SLC14A2: variants seen among roughly 807,000 people sequenced by gnomAD.
SLC14A2 encodes the protein solute carrier family 14 member 2.
SLC14A2 carries 91 observed loss-of-function variants against 104.6 expected under a neutral mutation model. The observed-to-expected ratio is 0.87, with a 90% CI of 0.73 to 1.04. SLC14A2 has a LOEUF of 1.04. Ranked by LOEUF, SLC14A2 falls within the 50% of genes least tolerant of loss-of-function variation. The pLI is 0.00. For missense variants in SLC14A2, 1,189 were observed against 1,156.0 expected, an observed-to-expected ratio of 1.03 and a Z score of -0.41; for synonymous variants, 476 against 466.4, an observed-to-expected ratio of 1.02 and a Z score of -0.27.
chr18:45,531,464 T>A (rs2043685949), intron 2 of SLC14A2, among the ~76,000 whole-genome samples: 1 of 152,260 alleles, frequency 6.6e-6, no homozygotes, highest in Admixed American at 6.5e-5. Flanking sequence ...TGATGAACAT[T>A]TTTTCATGTG....
At chr18:45,422,938 T>G (rs1165907960) in intron 1 of SLC14A2, among the ~76,000 whole-genome samples, 3 of 152,282 alleles carry the variant, frequency 2.0e-5, no homozygotes, top group African/African-American at 4.8e-5. Flanking sequence ...AATTTCTGCT[T>G]CTTTTTGCTG....
In SLC14A2 at chr18:45,672,896, A is replaced by C; in HGVS notation, c.2230-4A>C. 1 of 1,612,444 alleles carries C rather than the reference A, an allele frequency of 6.2e-7. No homozygotes were observed. The highest frequency in any genetic ancestry group is 8.5e-7 in the Non-Finnish European group (1 of 1,179,232). ...ATGAGCATGTAATCCTGTTATGCCT[A>C]CAGCTTTTGAGAGCCATCCCCGTTG... On this transcript the variant is annotated splice_polypyrimidine_tract_variant and splice_region_variant and intron_variant, in intron 16 of 19. Transcript: ENST00000255226.
chr18:45,391,408 C>T (rs2085962221), intron 1 of SLC14A2, among the ~76,000 whole-genome samples: 1 of 152,162 alleles, frequency 6.6e-6, no homozygotes, highest in Admixed American at 6.5e-5. Flanking sequence ...GTCTTTAAAG[C>T]AGCATGATTT....
the SLC14A2 span, among the ~76,000 whole-genome samples, chr18:45,195,243 C>A: frequency 2.0e-5 from 3 of 152,182 alleles, no homozygotes; most frequent in Non-Finnish European, 4.4e-5. Context: ...TGGCCTTAGC[C>A]ACAATCCAGG....
intron 10 of SLC14A2, among the ~76,000 whole-genome samples, chr18:45,662,980 C>T (rs1016903328): frequency 6.6e-6 from 1 of 152,076 alleles, no homozygotes; most frequent in Non-Finnish European, 1.5e-5. Flanking sequence ...AGACCCTATC[C>T]CAAGTGATAA....
chr18:45,659,183 CT>C (rs2045892596), intron 10 of SLC14A2, among the ~76,000 whole-genome samples: 1 of 152,246 alleles, frequency 6.6e-6, no homozygotes, highest in Non-Finnish European at 1.5e-5. Flanking sequence ...AGAGCCACCC[CT>C]GACCTCCAAG....
chr18:45,635,155 T>C lies in SLC14A2; in HGVS notation c.651-1835T>C, dbSNP rs187016774. 1.8e-3 allele frequency among the ~76,000 whole-genome samples: 274 copies of C among 152,312 alleles called. 2 individuals are homozygous for C. The highest frequency in any genetic ancestry group is 3.5e-3 in the Admixed American group (53 of 15,302). On this transcript the variant is annotated intron_variant, in intron 5 of 19. Transcript: ENST00000255226. ...ACAGGATACAAATCAAGAATTCTGT[T>C]TGGACACATTATACTATAGACTTCC...
intron 2 of SLC14A2, among the ~76,000 whole-genome samples, chr18:45,545,147 C>T (rs2043950949): frequency 6.6e-6 from 1 of 152,220 alleles, no homozygotes; most frequent in Non-Finnish European, 1.5e-5. Flanking sequence ...GTATCCCAAA[C>T]TTTCAAGCTA....
intron 2 of SLC14A2, among the ~76,000 whole-genome samples, chr18:45,596,986 G>A (rs890978654): frequency 6.6e-6 from 1 of 152,180 alleles, no homozygotes; most frequent in African/African-American, 2.4e-5. Context: ...TGGCCTTTGG[G>A]CCATCTATTA....
intron 1 of SLC14A2, chr18:45,483,101 A>T (rs1598893252): frequency 6.6e-6 from 1 of 151,916 alleles, no homozygotes; most frequent in Non-Finnish European, 1.5e-5. Context: ...CTGTTTCCTT[A>T]TTTTTTTCTT....
chr18:45,641,759 C>T (rs2045532286), intron 8 of SLC14A2, among the ~76,000 whole-genome samples: 1 of 152,146 alleles, frequency 6.6e-6, no homozygotes, highest in South Asian at 2.1e-4. Context: ...AGTAATTGCA[C>T]AAATAATTAC....
At chr18:45,466,359 G>T (rs778909172) in intron 1 of SLC14A2, among the ~76,000 whole-genome samples, 2 of 151,752 alleles carry the variant, frequency 1.3e-5, no homozygotes, top group Non-Finnish European at 2.9e-5. Context: ...CCTAGAGTCT[G>T]CCAGAGAAGG....
chr18:45,223,947 A>G (rs2084088818), intron 1 of SLC14A2, among the ~76,000 whole-genome samples: 1 of 152,230 alleles, frequency 6.6e-6, no homozygotes, highest in South Asian at 2.1e-4. Context: ...CTGAGAAGCC[A>G]CTTCAATCCA....
At position 45,366,212 on chromosome 18, in the gene SLC14A2, C is replaced by A. The variant is rs546317587; in HGVS notation, c.-124-117021C>A. 9.2e-5 allele frequency among the ~76,000 whole-genome samples: 14 copies of A among 152,272 alleles called. No individual in the cohort carries two copies. In the South Asian group the frequency reaches 2.9e-3, roughly 32 times the overall value. On this transcript the variant is annotated intron_variant, in intron 1 of 20. Coordinates refer to the SLC14A2 transcript ENST00000586448. ...GACTTCCTCAGCGGAATCCTCTAAGCTCCCTGCATTGGCTAGCCACAGCTG... is the reference window on the plus strand; with the variant it reads ...GACTTCCTCAGCGGAATCCTCTAAGATCCCTGCATTGGCTAGCCACAGCTG...
intron 1 of SLC14A2, among the ~76,000 whole-genome samples, chr18:45,367,058 C>A (rs1007241397): frequency 3.9e-5 from 6 of 152,082 alleles, no homozygotes; most frequent in Non-Finnish European, 7.3e-5. Flanking sequence ...TATACAGCAG[C>A]ATGTAAATGA....
chr18:45,463,178 C>T (rs1403627371), intron 1 of SLC14A2, among the ~76,000 whole-genome samples: 1 of 152,152 alleles, frequency 6.6e-6, no homozygotes, highest in African/African-American at 2.4e-5. Flanking sequence ...CATGAGTTCA[C>T]TGTAGAAAGC....
intron 1 of SLC14A2, among the ~76,000 whole-genome samples, chr18:45,332,603 ATAG>A (rs1244432324): frequency 6.6e-6 from 1 of 152,212 alleles, no homozygotes; most frequent in Non-Finnish European, 1.5e-5. Context: ...GACTTCCAAA[ATAG>A]TAGAAGAGAG....
At chr18:45,234,089 C>G (rs1303098313) in intron 1 of SLC14A2, among the ~76,000 whole-genome samples, 1 of 151,856 alleles carries the variant, frequency 6.6e-6, no homozygotes, top group Non-Finnish European at 1.5e-5. Context: ...AATTATTCTT[C>G]CTGTTTGAAA....
chr18:45,393,782 TA>T (rs2085998191), intron 1 of SLC14A2, among the ~76,000 whole-genome samples: 1 of 152,188 alleles, frequency 6.6e-6, no homozygotes, highest in Admixed American at 6.5e-5. Flanking sequence ...ACCAGTGACT[TA>T]CCCTTTTCAG....
Sources: gnomAD v4.1 joint callset for allele counts (sites outside exome capture counted in the v4.1 genomes callset) on GRCh38, gnomAD v4.1.1 for gene constraint, MANE v1.5 for transcripts, NCBI Gene and HGNC (gene_info 2026-07-23, HGNC 2026-07-21) for gene names.